The following CSMD1 variants were observed in gnomAD, a reference collection of about 807,000 sequenced individuals.
The protein encoded by CSMD1 is CUB and Sushi multiple domains 1.
Under a neutral mutation model 417.5 loss-of-function variants are expected in CSMD1, and 213 were observed. The ratio of observed to expected loss-of-function variants is 0.51; its 90% confidence interval spans 0.46 to 0.57. The LOEUF is 0.57. Ranked by LOEUF, CSMD1 falls within the 20% of genes least tolerant of loss-of-function variation. The pLI, the probability that CSMD1 is intolerant of heterozygous loss-of-function variation, is 0.00. For missense variants in CSMD1, 6,923 were observed against 4,529.7 expected (o/e 1.53, Z -15.17); for synonymous variants, 2,862 against 1,736.8 (o/e 1.65, Z -16.11).
intron 3 of CSMD1, among the ~76,000 whole-genome samples, chr8:4,367,833 T>C (rs952845365): frequency 6.6e-6 from 1 of 152,162 alleles, no homozygotes; most frequent in Admixed American, 6.6e-5. Context: ...TTAAATAGGA[T>C]TGTGTTCTTA....
rs566210229 is a variant in CSMD1 at position 4,834,946 on chromosome 8, G to A, written c.85+159386C>T. ...CACTCCAGCCTGGGCGACAGGGCCAGACTCCATCTCAAAAAAAAAAAAAAA... is the reference window on the plus strand; with the variant it reads ...CACTCCAGCCTGGGCGACAGGGCCAAACTCCATCTCAAAAAAAAAAAAAAA... On this transcript the variant is annotated intron_variant, in intron 1 of 69. Transcript: ENST00000635120. Among the ~76,000 whole-genome samples the A allele has an allele frequency of 8.5e-5, 8 of 93,658 alleles. No individual in the cohort carries two copies. In the South Asian group the frequency reaches 2.3e-3, roughly 27 times the overall value. 61.4% of individuals were successfully genotyped at this position (93,658 alleles called of 152,430 possible).
chr8:3,414,758 T>C (rs1480022944), intron 12 of CSMD1, among the ~76,000 whole-genome samples: 2 of 152,202 alleles, frequency 1.3e-5, no homozygotes, highest in African/African-American at 2.4e-5. Flanking sequence ...CAATTTCTTT[T>C]AGTGCCTGAG....
At chr8:3,794,547 CT>C (rs1799935121) in intron 5 of CSMD1, among the ~76,000 whole-genome samples, 1 of 152,078 alleles carries the variant, frequency 6.6e-6, no homozygotes, top group African/African-American at 2.4e-5. Flanking sequence ...TTTAATACAA[CT>C]TTCCTGCCAT....
intron 4 of CSMD1, among the ~76,000 whole-genome samples, chr8:4,022,643 G>T (rs1238536697): frequency 7.2e-5 from 11 of 152,150 alleles, no homozygotes; most frequent in Admixed American, 7.2e-4. Context: ...AACCCTCTGG[G>T]TGAGCGCTCA....
chr8:3,732,972 T>C (rs1796342036), intron 6 of CSMD1, among the ~76,000 whole-genome samples: 1 of 152,120 alleles, frequency 6.6e-6, no homozygotes, highest in South Asian at 2.1e-4. Flanking sequence ...CCTACCTATC[T>C]ACCAACCTAC....
chr8:3,022,801 T>C (rs1275064828), intron 51 of CSMD1, among the ~76,000 whole-genome samples: 7 of 152,074 alleles, frequency 4.6e-5, no homozygotes, highest in African/African-American at 1.7e-4. Flanking sequence ...GGACTCACAA[T>C]GGCTGTTTGC....
At chr8:3,883,686 T>G (rs949189493) in intron 5 of CSMD1, among the ~76,000 whole-genome samples, 1 of 152,154 alleles carries the variant, frequency 6.6e-6, no homozygotes, top group Non-Finnish European at 1.5e-5. Flanking sequence ...ATCAATCATG[T>G]ACCATGTATT....
chr8:4,488,398 G>A (rs978309306), intron 2 of CSMD1, among the ~76,000 whole-genome samples: 5 of 151,972 alleles, frequency 3.3e-5, no homozygotes, highest in Non-Finnish European at 5.9e-5. Context: ...ATAACCTGTG[G>A]GGGGCTTGAT....
At chr8:2,946,165 T>G (rs1169169693) in intron 68 of CSMD1, among the ~76,000 whole-genome samples, 1 of 152,196 alleles carries the variant, frequency 6.6e-6, no homozygotes, top group Non-Finnish European at 1.5e-5. Flanking sequence ...TTTGTCAGCT[T>G]CTTTATAATC....
At chr8:3,359,087 G>C in intron 21 of CSMD1, 65 bp downstream of exon 21, 3 of 1,527,938 alleles carry the variant, frequency 2.0e-6, no homozygotes, top group South Asian at 1.1e-5. Flanking sequence ...GACCACCCTA[G>C]GCTTCTTGCC....
In CSMD1 at chr8:3,106,998, CCA is replaced by C. The variant is rs367930206; in HGVS notation, c.6836-359_6836-358del. 2.9e-4 allele frequency: 49 copies of C among 168,758 alleles called. 1 individual carries two copies. The East Asian group carries it at 7.5e-3, about 26-fold the overall frequency. The allele number at this position is 168,758 out of a possible 1,614,324, so 10.5% of individuals were successfully genotyped here. On this transcript the variant is annotated intron_variant, in intron 45 of 69. Transcript: ENST00000635120. ...GTAAAATCAAATGGCTTTACAGCAT[CCA>C]CAGAGACTCATCTCTGACCTTGGTA... is the stretch of plus-strand genomic sequence containing the variant.
intron 3 of CSMD1, among the ~76,000 whole-genome samples, chr8:4,267,709 T>C (rs937688836): frequency 6.6e-6 from 1 of 152,122 alleles, no homozygotes; most frequent in Non-Finnish European, 1.5e-5. Flanking sequence ...TGACTTTACA[T>C]CCTCACCAAA....
intron 26 of CSMD1, among the ~76,000 whole-genome samples, chr8:3,264,113 A>G (rs906680275): frequency 3.3e-5 from 5 of 152,176 alleles, no homozygotes; most frequent in African/African-American, 9.7e-5. Context: ...ATTCACCTCA[A>G]TAATATGATT....
intron 2 of CSMD1, among the ~76,000 whole-genome samples, chr8:4,636,476 C>T (rs958844670): frequency 6.6e-6 from 1 of 152,136 alleles, no homozygotes; most frequent in Non-Finnish European, 1.5e-5. Flanking sequence ...CCTCACCCAC[C>T]TCCTATGTTC....
chr8:4,509,311 C>T (rs1469113819), intron 2 of CSMD1, among the ~76,000 whole-genome samples: 1 of 152,076 alleles, frequency 6.6e-6, no homozygotes, highest in Admixed American at 6.6e-5. Flanking sequence ...GATGTTTCCT[C>T]CCTACCAACC....
At chr8:3,820,240 C>G (rs1227521334) in intron 5 of CSMD1, among the ~76,000 whole-genome samples, 3 of 152,132 alleles carry the variant, frequency 2.0e-5, no homozygotes, top group South Asian at 4.2e-4. Context: ...TATAGACACA[C>G]TTCCCAGACC....
At chr8:2,960,610 G>C (rs1024007847) in intron 62 of CSMD1, among the ~76,000 whole-genome samples, 1 of 152,056 alleles carries the variant, frequency 6.6e-6, no homozygotes, top group African/African-American at 2.4e-5. Context: ...GTTCCAAAAT[G>C]ATATTTAGTA....
At chr8:3,665,250 G>C (rs1257306532) in intron 7 of CSMD1, among the ~76,000 whole-genome samples, 1 of 152,164 alleles carries the variant, frequency 6.6e-6, no homozygotes, top group East Asian at 1.9e-4. Context: ...GCCAGGCACA[G>C]TGGCTCACAT....
rs147345686 is a variant in CSMD1, at chr8:4,915,464, C to T, written c.85+78868G>A. On this transcript the variant is annotated intron_variant, in intron 1 of 69. Transcript: ENST00000635120. ...AAACCACATATCTGCGTACAATCTT[C>T]CTTTCCTCAGAACCAACATATATTT... Among the ~76,000 whole-genome samples, 174 of 152,310 alleles carry T rather than the reference C, an allele frequency of 1.1e-3. 1 individual carries two copies. The East Asian group carries it at 0.023, about 20-fold the overall frequency.
Sources: gnomAD v4.1 joint callset for allele counts (sites outside exome capture counted in the v4.1 genomes callset) on GRCh38, gnomAD v4.1.1 for gene constraint, MANE v1.5 for transcripts, NCBI Gene and HGNC (gene_info 2026-07-23, HGNC 2026-07-21) for gene names.